LRP1B: variants seen among roughly 807,000 people sequenced by gnomAD.
LRP1B encodes the protein LDL receptor related protein 1B.
A neutral mutation model predicts 556.6 loss-of-function variants in LRP1B; 217 were observed. The observed-to-expected ratio is 0.39, with a 90% CI of 0.35 to 0.44. The LOEUF (loss-of-function observed/expected upper bound fraction) is 0.44. Ranked by LOEUF, LRP1B falls within the 20% of genes least tolerant of loss-of-function variation. The pLI, the probability that LRP1B is intolerant of heterozygous loss-of-function variation, is 1.00. For synonymous variants in LRP1B, 2,047 were observed against 1,865.8 expected (o/e 1.10, Z -2.50); for missense variants, 5,053 against 5,620.8 (o/e 0.90, Z 3.23).
chr2:141,573,267 A>C (rs556506476), intron 2 of LRP1B, among the ~76,000 whole-genome samples: 81 of 152,348 alleles, frequency 5.3e-4, no homozygotes, highest in Middle Eastern at 3.4e-3. Context: ...GTGCAATCTA[A>C]TTCAAATTCA....
chr2:140,247,248 A>G lies in LRP1B; in HGVS notation c.13248-86T>C, dbSNP rs1036778579. 9 of 864,724 alleles carry G rather than the reference A, an allele frequency of 1.0e-5. No homozygotes were observed. The African/African-American group carries it at 1.5e-4, about 14-fold the overall frequency. The allele number at this position is 864,724 out of a possible 1,614,324, so 53.6% of individuals were successfully genotyped here. On this transcript the variant is annotated intron_variant, in intron 86 of 90. Coordinates refer to ENST00000389484, the MANE Select transcript of LRP1B (RefSeq NM_018557.3). ...TAATGTAGTAACTTTAACCAAATGA[A>G]AGGTTACAGGAGCCAGTCATCACAA...
intron 2 of LRP1B, among the ~76,000 whole-genome samples, chr2:141,712,578 T>C (rs1479334155): frequency 6.6e-6 from 1 of 152,142 alleles, no homozygotes; most frequent in Non-Finnish European, 1.5e-5. Context: ...TGATATAATA[T>C]AGATTAAATC....
rs1053510683 is a variant in LRP1B at position 140,532,839 on chromosome 2, C to A, written c.7762+1182G>T. Among the ~76,000 whole-genome samples the A allele has an allele frequency of 1.0e-4, 15 of 150,740 alleles. No homozygotes were observed. The Middle Eastern group carries it at 0.01, about 103-fold the overall frequency. ...TTTAGTTTAAGACTCAGTTTAAATT[C>A]AGTATAGCCTATGAAACCTTTGAGG... On this transcript the variant is annotated intron_variant, in intron 47 of 90. Coordinates refer to ENST00000389484, the MANE Select transcript of LRP1B (RefSeq NM_018557.3).
chr2:141,554,297 A>G (rs1215591862), intron 2 of LRP1B, among the ~76,000 whole-genome samples: 1 of 145,750 alleles, frequency 6.9e-6, no homozygotes, highest in African/African-American at 2.5e-5. Flanking sequence ...ATAGATATAG[A>G]TTATATATAT....
At chr2:141,727,954 T>C (rs1400781080) in intron 2 of LRP1B, among the ~76,000 whole-genome samples, 1 of 152,132 alleles carries the variant, frequency 6.6e-6, no homozygotes, top group East Asian at 1.9e-4. Flanking sequence ...CTTTTGTTTT[T>C]GGTAAGCGCT....
intron 84 of LRP1B, among the ~76,000 whole-genome samples, chr2:140,294,188 G>A (rs575747342): frequency 2.6e-5 from 4 of 152,250 alleles, no homozygotes; most frequent in Non-Finnish European, 5.9e-5. Flanking sequence ...AGGGGAAAAT[G>A]ACATGTTCTA....
rs941773738 is a variant in LRP1B at position 140,776,080 on chromosome 2, T to A, written c.5500+18A>T. On this transcript the variant is annotated intron_variant, in intron 33 of 90. Transcript: ENST00000389484. ...TTACGTATTCAAGACCTGGCACAAA[T>A]TCATTAGTGTGATTTACCTTGCTGT... is the stretch of plus-strand genomic sequence containing the variant. 1.9e-5 allele frequency: 29 copies of A among 1,536,602 alleles called. No individual in the cohort carries two copies. Among genetic ancestry groups the A allele is most frequent in the African/African-American group, 2.9e-5 (2 of 69,366 alleles).
intron 1 of LRP1B, among the ~76,000 whole-genome samples, chr2:141,817,502 A>T (rs1379500825): frequency 6.6e-6 from 1 of 152,068 alleles, no homozygotes; most frequent in African/African-American, 2.4e-5. Flanking sequence ...ATTTATAATA[A>T]ATATTTTTGA....
At chr2:142,120,406 C>A (rs1256152842) in intron 1 of LRP1B, among the ~76,000 whole-genome samples, 1 of 152,198 alleles carries the variant, frequency 6.6e-6, no homozygotes, top group Non-Finnish European at 1.5e-5. Context: ...GCCACCATGC[C>A]CGGCCTTTAC....
chr2:141,104,057 C>A (rs12618109), intron 7 of LRP1B, among the ~76,000 whole-genome samples: 42,986 of 151,690 alleles, frequency 0.28, 6,545 homozygotes, highest in East Asian at 0.65. Context: ...GCTTATACGT[C>A]AACACTCTTT....
rs148732897 is a variant in LRP1B, at chr2:141,915,961, A to G, written c.83-105560T>C. ...CTGGCAAGGCTGTGGAGAAAAGAGA[A>G]TGCGTATACATTGTTGGTGGAAATG... On this transcript the variant is annotated intron_variant, in intron 1 of 90. Coordinates refer to ENST00000389484, the MANE Select transcript of LRP1B (RefSeq NM_018557.3). 1.0e-2 allele frequency among the ~76,000 whole-genome samples: 1,518 copies of G among 152,344 alleles called. 14 individuals are homozygous for G. Among genetic ancestry groups the G allele is most frequent in the Non-Finnish European group, 0.016 (1,060 of 68,030 alleles).
intron 81 of LRP1B, among the ~76,000 whole-genome samples, chr2:140,323,586 T>TAAAACTTAAAGTATAATAATAATA (rs1680280794): frequency 6.6e-6 from 1 of 151,856 alleles, no homozygotes; most frequent in Non-Finnish European, 1.5e-5. Flanking sequence ...ACATGTACCC[T>TAAAACTTAAAGTATAATAATAATA]AAAACTTAAA....
intron 1 of LRP1B, among the ~76,000 whole-genome samples, chr2:142,018,787 C>CTTTT (rs562470957): frequency 6.9e-6 from 1 of 145,702 alleles, no homozygotes; most frequent in Non-Finnish European, 1.5e-5. Context: ...CTGACTTACG[C>CTTTT]TTTTTTTTTT....
intron 7 of LRP1B, among the ~76,000 whole-genome samples, chr2:141,116,517 C>T (rs966487523): frequency 1.2e-4 from 18 of 152,060 alleles, no homozygotes; most frequent in Admixed American, 1.1e-3. Context: ...CAGTCATGTG[C>T]TACATGTTTT....
At chr2:141,836,429 TCTGA>T (rs1305964382) in intron 1 of LRP1B, among the ~76,000 whole-genome samples, 2 of 151,982 alleles carry the variant, frequency 1.3e-5, no homozygotes, top group African/African-American at 4.8e-5. Context: ...ACTTATTTCC[TCTGA>T]CTATCCTATT....
At chr2:141,527,735 C>T (rs901562381) in intron 2 of LRP1B, among the ~76,000 whole-genome samples, 6 of 151,992 alleles carry the variant, frequency 3.9e-5, no homozygotes, top group African/African-American at 1.4e-4. Flanking sequence ...ACAGAATTTC[C>T]AGGTAATTGA....
At chr2:140,356,302 C>G in intron 75 of LRP1B, 40 bp downstream of exon 75, 2 of 1,602,232 alleles carry the variant, frequency 1.2e-6, no homozygotes, top group South Asian at 2.2e-5. Context: ...CTTCATAACC[C>G]AAAGATTTAT....
intron 3 of LRP1B, among the ~76,000 whole-genome samples, chr2:141,323,069 C>G (rs1687302940): frequency 6.6e-6 from 1 of 152,018 alleles, no homozygotes; most frequent in African/African-American, 2.4e-5. Context: ...GAGTGTTATT[C>G]TGGAAATTAC....
In LRP1B at chr2:140,769,228, T is replaced by C. The variant is rs151191200; in HGVS notation, c.5743A>G (p.Ile1915Val). ...PISGTSFAVG[I>V]DFHAENDTIY... ...AGCTATTTACCTGCATGGAAATCTATTCCCACGGCAAATGAAGTTCCTGAT... is the reference window on the plus strand; with the variant it reads ...AGCTATTTACCTGCATGGAAATCTACTCCCACGGCAAATGAAGTTCCTGAT... Residue 1915 changes from isoleucine (I) to valine (V), a missense_variant, in exon 35 of 91, where the codon ATA becomes GTA. Around this residue, in one of 5 missense-constraint regions of LRP1B, gnomAD observed 3,619 missense variants for 3,931.9 expected, o/e 0.92. Transcript: ENST00000389484. 10 of 1,611,716 alleles carry C rather than the reference T, an allele frequency of 6.2e-6. No individual in the cohort carries two copies. In the African/African-American group the frequency reaches 1.2e-4, roughly 19 times the overall value.
Sources: allele counts gnomAD v4.1 joint callset (sites outside exome capture counted in the v4.1 genomes callset), GRCh38; gene constraint gnomAD v4.1.1; regional missense constraint gnomAD v4.1.1; transcripts MANE v1.5; gene names NCBI Gene and HGNC (gene_info 2026-07-23, HGNC 2026-07-21).